IMPA1: variants seen among roughly 807,000 people sequenced by gnomAD.
The protein encoded by IMPA1 is D-galactose 1-phosphate phosphatase.
Under a neutral mutation model 34.9 loss-of-function variants are expected in IMPA1, and 21 were observed. That is an observed-to-expected ratio of 0.60 (90% CI 0.43 to 0.87). The LOEUF (loss-of-function observed/expected upper bound fraction) is 0.87. IMPA1 is among the 40% of genes least tolerant of loss of function. The pLI, the probability that IMPA1 is intolerant of heterozygous loss-of-function variation, is 0.00. For missense variants in IMPA1, 299 were observed against 336.4 expected, an observed-to-expected ratio of 0.89 and a Z score of 0.87; for synonymous variants, 95 against 104.4, an observed-to-expected ratio of 0.91 and a Z score of 0.55.
In IMPA1 at chr8:81,675,065, A is replaced by G. The variant is rs188311800; in HGVS notation, c.349-1116T>C. ...TCTACTGGTTCCCAACTACCTTGAA[A>G]CACAAACTAAATTTTCTTGCATGGA... On this transcript the variant is annotated intron_variant, in intron 5 of 8. Transcript: ENST00000256108. 3.3e-5 allele frequency among the ~76,000 whole-genome samples: 5 copies of G among 152,270 alleles called. No individual in the cohort carries two copies. In the East Asian group the frequency reaches 9.6e-4, roughly 29 times the overall value.
At chr8:81,673,237 T>G (rs905132117) in intron 6 of IMPA1, among the ~76,000 whole-genome samples, 1 of 152,248 alleles carries the variant, frequency 6.6e-6, no homozygotes, top group Non-Finnish European at 1.5e-5. Context: ...AATTCATATC[T>G]GATTGCTTCA....
chr8:81,681,642 A>G, intron 1 of IMPA1, 58 bp from the exon 2 acceptor site: 1 of 967,224 alleles, frequency 1.0e-6, no homozygotes, highest in Non-Finnish European at 1.6e-6. Context: ...GTTAGTTCAC[A>G]AAAACGTCTT....
intron 3 of IMPA1, 66 bp from the exon 4 acceptor site, chr8:81,679,296 T>A (rs1413928631): frequency 9.6e-7 from 1 of 1,045,222 alleles, no homozygotes; most frequent in South Asian, 1.3e-5. Flanking sequence ...AATCATAACA[T>A]TTCCTTAGCT....
intron 7 of IMPA1, among the ~76,000 whole-genome samples, chr8:81,667,460 T>C (rs1190139382): frequency 2.6e-5 from 4 of 152,272 alleles, no homozygotes; most frequent in Admixed American, 2.6e-4. Context: ...CTTTGCCTTC[T>C]AGGTTCATGG....
Position 81,659,462 on chromosome 8 carries a change from TC to T in IMPA1, c.722del (p.Gly241AspfsTer5). On this transcript the variant is annotated frameshift_variant, in exon 9 of 9. Coordinates refer to ENST00000256108, the MANE Select transcript of IMPA1 (RefSeq NM_005536.4). LOFTEE classifies it high-confidence loss of function. ...AGGVLMDVTGGPFDLMSRRVI... is the reference protein window; with the variant it reads ...AGGVLMDVTGXPFDLMSRRVI... Reference sequence around the variant, plus strand: ...CTCTTCGTGACATCAAATCAAATGGTCCACCTAAAAGCAAACAAGTATGAAA... The same window carrying T: ...CTCTTCGTGACATCAAATCAAATGGTCACCTAAAAGCAAACAAGTATGAAA... 1 of 1,575,622 alleles carries T rather than the reference TC, an allele frequency of 6.3e-7. No individual in the cohort carries two copies. Among genetic ancestry groups the T allele is most frequent in the Non-Finnish European group, 8.7e-7 (1 of 1,146,386 alleles).
intron 5 of IMPA1, among the ~76,000 whole-genome samples, chr8:81,675,382 T>C (rs534181711): frequency 3.9e-5 from 6 of 151,908 alleles, no homozygotes; most frequent in African/African-American, 9.6e-5. Context: ...TGTGTTCCCA[T>C]AGTATTTTTT....
chr8:81,672,475 C>T (rs768072919), intron 6 of IMPA1, among the ~76,000 whole-genome samples: 6 of 152,188 alleles, frequency 3.9e-5, no homozygotes, highest in Non-Finnish European at 7.3e-5. Context: ...ATGCCATGCA[C>T]CCTATAATTC....
intron 7 of IMPA1, among the ~76,000 whole-genome samples, chr8:81,663,012 T>C (rs945574236): frequency 6.6e-6 from 1 of 152,236 alleles, no homozygotes; most frequent in African/African-American, 2.4e-5. Context: ...GTATAAGTGA[T>C]TCTGAAATCC....
At chr8:81,672,421 T>G (rs1281632568) in intron 6 of IMPA1, among the ~76,000 whole-genome samples, 1 of 152,196 alleles carries the variant, frequency 6.6e-6, no homozygotes, top group Non-Finnish European at 1.5e-5. Context: ...TGAAGCCGCT[T>G]GCTACAGGGG....
chr8:81,676,889 T>G, intron 4 of IMPA1, among the ~76,000 whole-genome samples: 1 of 151,988 alleles, frequency 6.6e-6, no homozygotes, highest in Middle Eastern at 3.4e-3. Context: ...GCTTCCCCGG[T>G]AGGCTGAGGC....
chr8:81,669,196 G>C (rs1394472639), intron 7 of IMPA1, among the ~76,000 whole-genome samples: 1 of 152,122 alleles, frequency 6.6e-6, no homozygotes, highest in African/African-American at 2.4e-5. Context: ...GTAGAGCCCA[G>C]GAAGTAAGGC....
In IMPA1 at chr8:81,660,892, A is replaced by G. The variant is rs1806654150; in HGVS notation, c.567-225T>C. Among the ~76,000 whole-genome samples, 5 of 152,348 alleles carry G rather than the reference A, an allele frequency of 3.3e-5. No homozygotes were observed. The South Asian group carries it at 1.0e-3, about 32-fold the overall frequency. The stretch of plus-strand genomic sequence containing the variant: ...CCTCACAAAGCAATAATTTAATAAG[A>G]TAAACATTAAAACAATAATTTTTCA... On this transcript the variant is annotated intron_variant, in intron 7 of 8. Transcript: ENST00000256108.
At chr8:81,675,236 C>G (rs1485770761) in intron 5 of IMPA1, among the ~76,000 whole-genome samples, 1 of 152,076 alleles carries the variant, frequency 6.6e-6, no homozygotes. Context: ...AAAACGCCTT[C>G]CTCTTCCCAC....
chr8:81,683,877 C>T (rs1807377410), intron 1 of IMPA1, among the ~76,000 whole-genome samples: 1 of 152,056 alleles, frequency 6.6e-6, no homozygotes, highest in Non-Finnish European at 1.5e-5. Flanking sequence ...CTGTGGAAAC[C>T]CAGCAAGGAC....
At chr8:81,675,567 T>G (rs1401655012) in intron 5 of IMPA1, among the ~76,000 whole-genome samples, 2 of 152,224 alleles carry the variant, frequency 1.3e-5, no homozygotes, top group East Asian at 3.9e-4. Context: ...TAAGCTGTCA[T>G]TTGTCCAATA....
chr8:81,671,787 C>T (rs551091014), intron 6 of IMPA1, among the ~76,000 whole-genome samples: 18 of 152,182 alleles, frequency 1.2e-4, no homozygotes, highest in African/African-American at 4.3e-4. Context: ...ATCCCAGCTA[C>T]TCCGGAGGCT....
intron 1 of IMPA1, 163 bp downstream of exon 1, chr8:81,686,089 T>G (rs79040192): frequency 1.3e-5 from 12 of 919,444 alleles, no homozygotes; most frequent in South Asian, 4.9e-5. Flanking sequence ...CCAGGGCAGC[T>G]CCGGATAACG....
At chr8:81,660,270 T>G (rs977725005) in intron 8 of IMPA1, among the ~76,000 whole-genome samples, 2 of 152,196 alleles carry the variant, frequency 1.3e-5, no homozygotes, top group African/African-American at 4.8e-5. Flanking sequence ...TCTACAGCCT[T>G]TCAGGAGTAC....
rs573831926 is a variant in IMPA1, at chr8:81,659,089, T to C, written c.*262A>G. 4.7e-6 allele frequency: 2 copies of C among 427,836 alleles called. No homozygotes were observed. The highest frequency in any genetic ancestry group is 2.8e-5 in the South Asian group (1 of 35,192). The allele number at this position is 427,836 out of a possible 1,614,324, so 26.5% of individuals were successfully genotyped here. ...CAAAATTGCTAATTGACTATTTCAGTTGATGTTATATTTATCAACTGTACT... is the reference window on the plus strand; with the variant it reads ...CAAAATTGCTAATTGACTATTTCAGCTGATGTTATATTTATCAACTGTACT... On this transcript the variant is annotated 3_prime_UTR_variant, in exon 9 of 9. Coordinates refer to ENST00000256108, the MANE Select transcript of IMPA1 (RefSeq NM_005536.4).
Sources: allele counts gnomAD v4.1 joint callset (sites outside exome capture counted in the v4.1 genomes callset), GRCh38; gene constraint gnomAD v4.1.1; transcripts MANE v1.5; gene names NCBI Gene and HGNC (gene_info 2026-07-23, HGNC 2026-07-21).